The following ALOXE3 variants were observed in gnomAD, a reference collection of about 807,000 sequenced individuals.
ALOXE3 encodes the protein arachidonate epidermal lipoxygenase 3, also known as hydroperoxide isomerase ALOXE3.
Under a neutral mutation model 87.5 loss-of-function variants are expected in ALOXE3, and 78 were observed. The ratio of observed to expected loss-of-function variants is 0.89; its 90% confidence interval spans 0.74 to 1.08. The LOEUF is 1.08. Among genes scored for constraint, ALOXE3 ranks in the 50% least tolerant of loss-of-function variants. ALOXE3 has a pLI of 0.00. For missense variants in ALOXE3, 946 were observed against 912.4 expected, an observed-to-expected ratio of 1.04 and a Z score of -0.47; for synonymous variants, 363 against 370.8, an observed-to-expected ratio of 0.98 and a Z score of 0.24.
intron 8 of ALOXE3, among the ~76,000 whole-genome samples, chr17:8,110,835 A>G (rs1980011704): frequency 6.6e-6 from 1 of 152,144 alleles, no homozygotes; most frequent in Non-Finnish European, 1.5e-5. Flanking sequence ...CTGACATCTG[A>G]GCACTATGTA....
chr17:8,099,383 C>T (rs966478963), intron 15 of ALOXE3, among the ~76,000 whole-genome samples: 1 of 151,192 alleles, frequency 6.6e-6, no homozygotes, highest in Admixed American at 6.6e-5. Context: ...TACTACCAGC[C>T]GGGCGCGGAG....
At chr17:8,110,619 C>A in intron 8 of ALOXE3, 91 bp from the exon 9 acceptor site, 1 of 1,567,810 alleles carries the variant, frequency 6.4e-7, no homozygotes, top group East Asian at 2.2e-5. Context: ...CAGAGAGGAG[C>A]TGAGGCCCCC....
At chr17:8,108,196 G>A (rs1979676231) in intron 13 of ALOXE3, among the ~76,000 whole-genome samples, 1 of 152,148 alleles carries the variant, frequency 6.6e-6, no homozygotes, top group Non-Finnish European at 1.5e-5. Flanking sequence ...CAGAGCTCAG[G>A]AAGCTGAAAT....
At chr17:8,097,703 C>T (rs1978632880) in intron 15 of ALOXE3, among the ~76,000 whole-genome samples, 1 of 152,120 alleles carries the variant, frequency 6.6e-6, no homozygotes, top group Admixed American at 6.5e-5. Flanking sequence ...CACACACTTC[C>T]CATTTACTAG....
At chr17:8,110,626 C>T in intron 8 of ALOXE3, 98 bp from the exon 9 acceptor site, 3 of 1,545,112 alleles carry the variant, frequency 1.9e-6, no homozygotes, top group South Asian at 2.3e-5. Context: ...GAGCTGAGGC[C>T]CCCAGCTGAG....
rs1567996603 is a variant in ALOXE3 at position 8,107,946 on chromosome 17, AAAGAAAGAAAGAAAGGAAG to A, written c.1684+503_1684+521del. Among the ~76,000 whole-genome samples, 17 of 4,644 alleles carry A rather than the reference AAAGAAAGAAAGAAAGGAAG, an allele frequency of 3.7e-3. 4 individuals carry two copies. Among genetic ancestry groups the A allele is most frequent in the Admixed American group, 0.018 (9 of 498 alleles). 3.0% of individuals were successfully genotyped at this position (4,644 alleles called of 152,430 possible). On this transcript the variant is annotated intron_variant, in intron 13 of 15. Transcript: ENST00000448843. ...GAAAGAAAGAAAGAAAGAAAGAAAG[AAAGAAAGAAAGAAAGGAAG>A]GAGAGAGAGAGAGAGAGAAAGAAAG...
At chr17:8,115,763 C>A in intron 3 of ALOXE3, 75 bp from the exon 4 acceptor site, 1 of 1,471,612 alleles carries the variant, frequency 6.8e-7, no homozygotes, top group Non-Finnish European at 9.5e-7. Context: ...GCCTGAACCC[C>A]CTGACCCTTG....
At position 8,118,059 on chromosome 17, in the gene ALOXE3, G is replaced by T; in HGVS notation, c.-69C>A. The T allele has an allele frequency of 1.3e-6, 2 of 1,584,072 alleles. No homozygotes were observed. The highest frequency in any genetic ancestry group is 8.6e-7 in the Non-Finnish European group (1 of 1,167,302). Reference sequence around the variant, plus strand: ...AGCAGCCGGCCTGGAGGAGAAGAGCGGCACGCCGGACAGGGCTGGGTTTCT... The same window carrying T: ...AGCAGCCGGCCTGGAGGAGAAGAGCTGCACGCCGGACAGGGCTGGGTTTCT... On this transcript the variant is annotated 5_prime_UTR_variant, in exon 2 of 16. Coordinates refer to ENST00000448843, the MANE Select transcript of ALOXE3 (RefSeq NM_021628.3).
rs575594494 is a variant in ALOXE3 at position 8,114,520 on chromosome 17, G to A, written c.644C>T (p.Thr215Ile). The change falls in exon 6 of 16, where the codon ACC (threonine) becomes ATC (isoleucine). Residue 215 changes from threonine (T) to isoleucine (I), a missense_variant. Coordinates refer to ENST00000448843, the MANE Select transcript of ALOXE3 (RefSeq NM_021628.3). ...ATTGAAGAGCAGCGAGATCGTCTTG[G>A]TGGCTGAGTATCGAACATTGGGCTC... ...YMEPNVRYSA[T>I]KTISLLFNAI... 1 of 1,614,096 alleles carries A rather than the reference G, an allele frequency of 6.2e-7. No individual in the cohort carries two copies. Among genetic ancestry groups the A allele is most frequent in the South Asian group, 1.1e-5 (1 of 91,076 alleles).
chr17:8,106,538 CA>C (rs1326325682), intron 13 of ALOXE3, among the ~76,000 whole-genome samples: 1 of 151,950 alleles, frequency 6.6e-6, no homozygotes, highest in Non-Finnish European at 1.5e-5. Flanking sequence ...TGAGCAAAAA[CA>C]AAAAATAAAA....
rs745793871 is a variant in ALOXE3, at chr17:8,096,466, G to A, written c.*161C>T. 7.5e-6 allele frequency: 5 copies of A among 666,448 alleles called. No individual in the cohort carries two copies. Among genetic ancestry groups the A allele is most frequent in the Non-Finnish European group, 1.4e-5 (5 of 365,526 alleles). The allele number at this position is 666,448 out of a possible 1,614,324, so 41.3% of individuals were successfully genotyped here. Reference sequence around the variant, plus strand: ...TCTCTCACAGCTCAGGGCCCAGTTTGTATGATGTCAGAGCCATCTTGGCTG... The same window carrying A: ...TCTCTCACAGCTCAGGGCCCAGTTTATATGATGTCAGAGCCATCTTGGCTG... On this transcript the variant is annotated 3_prime_UTR_variant, in exon 16 of 16. Coordinates refer to ENST00000448843, the MANE Select transcript of ALOXE3 (RefSeq NM_021628.3).
At chr17:8,106,773 G>A (rs1393781055) in intron 13 of ALOXE3, among the ~76,000 whole-genome samples, 2 of 152,062 alleles carry the variant, frequency 1.3e-5, no homozygotes, top group Non-Finnish European at 2.9e-5. Context: ...TAACTTGTGT[G>A]TTTTCCCTTT....
At chr17:8,115,539 G>A (rs557289327) in intron 4 of ALOXE3, 68 bp downstream of exon 4, 1 of 1,499,300 alleles carries the variant, frequency 6.7e-7, no homozygotes, top group East Asian at 2.3e-5. Flanking sequence ...GTTAGAGTTA[G>A]GAACAATCTG....
Position 8,116,950 on chromosome 17 carries a change from C to T in ALOXE3, c.178G>A (p.Glu60Lys). 6.2e-7 allele frequency: 1 copy of T among 1,614,160 alleles called. No individual in the cohort carries two copies. Among genetic ancestry groups the T allele is most frequent in the Non-Finnish European group, 8.5e-7 (1 of 1,180,012 alleles). ...VQKYKVRCTAELGELLLLRVH... is the reference protein window; with the variant it reads ...VQKYKVRCTAKLGELLLLRVH... Reference sequence around the variant, plus strand: ...CGCAGCAGCAAGAGCTCACCCAGCTCCGCTGTGCAACGCACCTTGTACTTC... The same window carrying T: ...CGCAGCAGCAAGAGCTCACCCAGCTTCGCTGTGCAACGCACCTTGTACTTC... The change falls in exon 3 of 16, where the codon GAG (glutamate) becomes AAG (lysine). Residue 60 changes from glutamate to lysine, a missense_variant. Coordinates refer to ENST00000448843, the MANE Select transcript of ALOXE3 (RefSeq NM_021628.3).
At chr17:8,107,892 A>G (rs1567996307) in intron 13 of ALOXE3, among the ~76,000 whole-genome samples, 78 of 5,670 alleles carry the variant, frequency 0.014, 17 homozygotes, top group South Asian at 0.031. Context: ...AAAGAAAGAA[A>G]GAAAGAAAGA....
chr17:8,109,926 AGGCCCTCGGGGTTGAGCAGCGT>A lies in ALOXE3; in HGVS notation c.1360_1381del (p.Thr454SerfsTer17). 6.4e-7 allele frequency: 1 copy of A among 1,550,434 alleles called. No individual in the cohort carries two copies. The highest frequency in any genetic ancestry group is 1.4e-5 in the African/African-American group (1 of 73,120). On this transcript the variant is annotated frameshift_variant, in exon 11 of 16. Transcript: ENST00000448843. LOFTEE classifies it high-confidence loss of function. Reference sequence around the variant, plus strand: ...GCAGGGAGGCCGCACCTGGTCCACGAGGCCCTCGGGGTTGAGCAGCGTGGCCCTCGCGATGGTGTTCACCTGC... The same window carrying A: ...GCAGGGAGGCCGCACCTGGTCCACGAGGCCCTCGCGATGGTGTTCACCTGC...
upstream of ALOXE3, chr17:8,118,705 T>C: frequency 2.0e-6 from 3 of 1,537,338 alleles, no homozygotes; most frequent in South Asian, 1.2e-5. Flanking sequence ...CCTCATTCTC[T>C]GCTCTGGAGT....
chr17:8,105,529 C>T (rs983306549), intron 13 of ALOXE3, among the ~76,000 whole-genome samples: 12 of 152,116 alleles, frequency 7.9e-5, no homozygotes, highest in Non-Finnish European at 1.3e-4. Context: ...ATGTTAAGCT[C>T]AACTAAGGCC....
intron 3 of ALOXE3, 100 bp from the exon 4 acceptor site, chr17:8,115,788 G>A: frequency 3.4e-6 from 4 of 1,177,290 alleles, no homozygotes; most frequent in Non-Finnish European, 3.8e-6. Flanking sequence ...CAATCCGACA[G>A]CCACATCCCT....
Sources: gnomAD v4.1 joint callset for allele counts (sites outside exome capture counted in the v4.1 genomes callset) on GRCh38, gnomAD v4.1.1 for gene constraint, MANE v1.5 for transcripts, NCBI Gene and HGNC (gene_info 2026-07-23, HGNC 2026-07-21) for gene names.